Variants in TRPC7 observed in about 807,000 individuals in gnomAD.
The protein encoded by TRPC7 is transient receptor potential cation channel subfamily C member 7, also known as short transient receptor potential channel 7.
Under a neutral mutation model 90.1 loss-of-function variants are expected in TRPC7, and 42 were observed. That is an observed-to-expected ratio of 0.47 (90% CI 0.36 to 0.60). TRPC7 has a LOEUF of 0.60. Ranked by LOEUF, TRPC7 falls within the 20% of genes least tolerant of loss-of-function variation. The pLI is 0.00. For missense variants in TRPC7, 955 were observed against 1,112.3 expected (o/e 0.86, Z 2.01); for synonymous variants, 451 against 436.3 (o/e 1.03, Z -0.42).
chr5:136,317,718 T>C (rs1361573265), intron 2 of TRPC7, among the ~76,000 whole-genome samples: 3 of 152,224 alleles, frequency 2.0e-5, no homozygotes, highest in Admixed American at 2.0e-4. Flanking sequence ...GACACTGCCC[T>C]GTTGGCTAGA....
chr5:136,244,650 C>T (rs1052105910), intron 7 of TRPC7, among the ~76,000 whole-genome samples: 10 of 152,198 alleles, frequency 6.6e-5, no homozygotes, highest in African/African-American at 2.4e-4. Flanking sequence ...AAGTAAGAGC[C>T]TTCGTTTATC....
chr5:136,250,685 A>G (rs1756490807), intron 6 of TRPC7, among the ~76,000 whole-genome samples: 1 of 152,158 alleles, frequency 6.6e-6, no homozygotes, highest in African/African-American at 2.4e-5. Flanking sequence ...CGCTTCACAT[A>G]CACTATTTTA....
intron 3 of TRPC7, among the ~76,000 whole-genome samples, chr5:136,279,104 T>A (rs535683590): frequency 6.6e-6 from 1 of 152,160 alleles, no homozygotes. Flanking sequence ...TTAGGTCTCT[T>A]GTGCCATTGT....
Position 136,331,456 on chromosome 5 carries a change from C to T in TRPC7, c.781-15677G>A, listed in dbSNP as rs146725346. On this transcript the variant is annotated intron_variant, in intron 2 of 11. Transcript: ENST00000513104. ...ATGGAGCTGACAGACCAGAGGAACA[C>T]GTAGATGATAAAGGTCCTGCAGTTA... Among the ~76,000 whole-genome samples, 7 of 152,142 alleles carry T rather than the reference C, an allele frequency of 4.6e-5. No individual in the cohort carries two copies. The East Asian group carries it at 5.8e-4, about 13-fold the overall frequency.
At chr5:136,342,767 C>T (rs945303761) in intron 2 of TRPC7, among the ~76,000 whole-genome samples, 5 of 152,148 alleles carry the variant, frequency 3.3e-5, no homozygotes, top group African/African-American at 1.2e-4. Flanking sequence ...AGCAGGATTC[C>T]AAATTACTAT....
chr5:136,335,686 G>T (rs949934340), intron 2 of TRPC7, among the ~76,000 whole-genome samples: 1 of 151,700 alleles, frequency 6.6e-6, no homozygotes, highest in South Asian at 2.1e-4. Context: ...GGCAGATCAC[G>T]AGGTCAGGAG....
chr5:136,326,541 G>A (rs1759352859), intron 2 of TRPC7, among the ~76,000 whole-genome samples: 1 of 152,146 alleles, frequency 6.6e-6, no homozygotes, highest in South Asian at 2.1e-4. Flanking sequence ...GGGGAGAGGA[G>A]AGAGTAGATC....
chr5:136,252,175 T>C (rs1039270372), intron 5 of TRPC7, among the ~76,000 whole-genome samples: 1 of 152,186 alleles, frequency 6.6e-6, no homozygotes, highest in Admixed American at 6.5e-5. Flanking sequence ...CTGACATTTA[T>C]ACACTTTAAG....
At chr5:136,338,709 A>G (rs189697625) in intron 2 of TRPC7, among the ~76,000 whole-genome samples, 1 of 152,338 alleles carries the variant, frequency 6.6e-6, no homozygotes, top group African/African-American at 2.4e-5. Context: ...TGAATGATGG[A>G]GATTTTTTCA....
At chr5:136,347,064 T>A (rs1031751798) in intron 2 of TRPC7, among the ~76,000 whole-genome samples, 1 of 152,044 alleles carries the variant, frequency 6.6e-6, no homozygotes, top group African/African-American at 2.4e-5. Flanking sequence ...CGTTGACAAG[T>A]CAAGGTTTGG....
At chr5:136,275,439 G>C (rs947388683) in intron 3 of TRPC7, among the ~76,000 whole-genome samples, 1 of 151,962 alleles carries the variant, frequency 6.6e-6, no homozygotes, top group Non-Finnish European at 1.5e-5. Flanking sequence ...AATGCTTACA[G>C]TGTTTCCAGA....
At chr5:136,248,275 G>A (rs1007583939) in intron 6 of TRPC7, among the ~76,000 whole-genome samples, 3 of 152,204 alleles carry the variant, frequency 2.0e-5, no homozygotes, top group Non-Finnish European at 4.4e-5. Flanking sequence ...ATGACTCTGA[G>A]AGACAACTAA....
At chr5:136,286,797 G>A (rs184670605) in intron 3 of TRPC7, among the ~76,000 whole-genome samples, 9 of 152,298 alleles carry the variant, frequency 5.9e-5, no homozygotes, top group Middle Eastern at 3.4e-3. Context: ...TGTGGGGCAA[G>A]AACTCCTTCC....
At chr5:136,339,839 GCAACAACAACAACAA>G (rs10573372) in intron 2 of TRPC7, among the ~76,000 whole-genome samples, 2 of 138,222 alleles carry the variant, frequency 1.4e-5, no homozygotes, top group South Asian at 4.7e-4. Flanking sequence ...TCTCTCTACT[GCAACAACAACAACAA>G]CAACAACAAC....
chr5:136,262,047 TGTAA>T (rs922702650), intron 5 of TRPC7, among the ~76,000 whole-genome samples: 16 of 152,200 alleles, frequency 1.1e-4, no homozygotes, highest in East Asian at 3.9e-4. Context: ...ACAATCCAAT[TGTAA>T]GTGTTATTGG....
At chr5:136,338,343 T>C (rs1426661849) in intron 2 of TRPC7, among the ~76,000 whole-genome samples, 1 of 152,228 alleles carries the variant, frequency 6.6e-6, no homozygotes, top group Admixed American at 6.5e-5. Flanking sequence ...TAATTTTATC[T>C]ATTTTTTTCT....
At chr5:136,279,828 C>A (rs891734623) in intron 3 of TRPC7, among the ~76,000 whole-genome samples, 1 of 152,136 alleles carries the variant, frequency 6.6e-6, no homozygotes, top group African/African-American at 2.4e-5. Flanking sequence ...ATGTAGCCAC[C>A]CCCTGTCTAT....
chr5:136,290,273 C>T (rs1008537224), intron 3 of TRPC7, among the ~76,000 whole-genome samples: 2 of 152,192 alleles, frequency 1.3e-5, no homozygotes, highest in Non-Finnish European at 2.9e-5. Context: ...TCACCAGCAG[C>T]AGAACAAAGC....
At chr5:136,299,856 C>A (rs941689753) in intron 3 of TRPC7, among the ~76,000 whole-genome samples, 2 of 152,126 alleles carry the variant, frequency 1.3e-5, no homozygotes. Flanking sequence ...GTATCTATTT[C>A]TTGTGGGGCA....
Sources: gnomAD v4.1 joint callset for allele counts (sites outside exome capture counted in the v4.1 genomes callset) on GRCh38, gnomAD v4.1.1 for gene constraint, MANE v1.5 for transcripts, NCBI Gene and HGNC (gene_info 2026-07-23, HGNC 2026-07-21) for gene names.